The following TUBGCP6 variants were observed in gnomAD, a reference collection of about 807,000 sequenced individuals.
The protein encoded by TUBGCP6 is gamma-tubulin complex component 6.
A neutral mutation model predicts 175.8 loss-of-function variants in TUBGCP6; 161 were observed. The ratio of observed to expected loss-of-function variants is 0.92; its 90% CI spans 0.81 to 1.04. The LOEUF (loss-of-function observed/expected upper bound fraction) is 1.04. Among genes scored for constraint, TUBGCP6 ranks in the 50% least tolerant of loss-of-function variants. The probability of loss-of-function intolerance (pLI) is 0.00; values close to 1 mark genes in which losing one functional copy is unlikely to be tolerated. For synonymous variants in TUBGCP6, 1,173 were observed against 1,030.5 expected (o/e 1.14, Z -2.65); for missense variants, 2,572 against 2,433.0 (o/e 1.06, Z -1.20).
At position 50,244,469 on chromosome 22, in the gene TUBGCP6, CA is replaced by C. The variant is rs2064893053; in HGVS notation, c.-11del. 1 of 1,600,320 alleles carries C rather than the reference CA, an allele frequency of 6.2e-7. No individual in the cohort carries two copies. Among genetic ancestry groups the C allele is most frequent in the African/African-American group, 1.3e-5 (1 of 74,800 alleles). ...GCGTGATGCTGGCCATGCCCCTTCT[CA>C]GCTCCGGGCCCCCGGCGTGTGGGAA... On this transcript the variant is annotated 5_prime_UTR_variant, in exon 1 of 25. Transcript: ENST00000248846.
Position 50,226,062 on chromosome 22 carries a change from G to A in TUBGCP6, c.1821C>T (p.Leu607=), listed in dbSNP as rs754912595. The A allele has an allele frequency of 6.2e-7, 1 of 1,614,184 alleles. No individual in the cohort carries two copies. The highest frequency in any genetic ancestry group is 8.5e-7 in the Non-Finnish European group (1 of 1,180,040). The change falls in exon 9 of 25, where the codon CTC becomes CTT. Residue 607 remains leucine (L), a synonymous_variant. Coordinates refer to ENST00000248846, the MANE Select transcript of TUBGCP6 (RefSeq NM_020461.4). ...AGCCCCTCCTCACCCGGGGGCAGCA[G>A]AGCTTCAGCAGGTTAATGGTCTTTC... ...VCGKTINLLK[L]CCPRHYLCWS...
Position 50,226,362 on chromosome 22 carries a change from C to G in TUBGCP6, c.1618G>C (p.Val540Leu). The G allele has an allele frequency of 2.5e-6, 4 of 1,610,290 alleles. No individual in the cohort carries two copies. Among genetic ancestry groups the G allele is most frequent in the Non-Finnish European group, 3.4e-6 (4 of 1,178,292 alleles). ...EPYTRFIHDW[V>L]YSGVFRDAYG... ...GCGTCTCTGAACACCCCGCTGTACA[C>G]CCAGTCGTGGATGAACCTGCAGTGG... The change falls in exon 8 of 25, where the codon GTG becomes CTG. Residue 540 changes from valine (V) to leucine (L), a missense_variant. Transcript: ENST00000248846.
chr22:50,225,764 A>C (rs987862646), intron 10 of TUBGCP6, 30 bp downstream of exon 10: 3 of 1,591,244 alleles, frequency 1.9e-6, no homozygotes, highest in Non-Finnish European at 2.6e-6. Flanking sequence ...AGGGGCGAAG[A>C]AAGCCCCCGA....
rs543803097 is a variant in TUBGCP6 at position 50,242,067 on chromosome 22, C to T, written c.741+1652G>A. 6.5e-3 allele frequency among the ~76,000 whole-genome samples: 979 copies of T among 149,474 alleles called. 11 individuals are homozygous for T. Among genetic ancestry groups the T allele is most frequent in the African/African-American group, 0.024 (948 of 40,222 alleles). ...CAGCACTTTGGGAGGCCGAGGCGGG[C>T]AGATCACGAGGTGAGGAGATAGAGA... is the stretch of plus-strand genomic sequence containing the variant. On this transcript the variant is annotated intron_variant, in intron 1 of 24. Coordinates refer to ENST00000248846, the MANE Select transcript of TUBGCP6 (RefSeq NM_020461.4).
intron 2 of TUBGCP6, among the ~76,000 whole-genome samples, chr22:50,235,854 G>C (rs2064772276): frequency 6.6e-6 from 1 of 151,688 alleles, no homozygotes; most frequent in South Asian, 2.1e-4. Flanking sequence ...GCAGGAGAAT[G>C]GCTTGAACCC....
intron 5 of TUBGCP6, 87 bp downstream of exon 5, chr22:50,227,820 C>T (rs2064634876): frequency 6.6e-7 from 1 of 1,510,842 alleles, no homozygotes; most frequent in South Asian, 1.2e-5. Flanking sequence ...CCCTCCTTGC[C>T]AGGGAGCAGG....
At position 50,221,365 on chromosome 22, in the gene TUBGCP6, G is replaced by C. The variant is rs2064520277; in HGVS notation, c.2994C>G (p.Ala998=). The C allele has an allele frequency of 2.5e-6, 4 of 1,611,194 alleles. No individual in the cohort carries two copies. The East Asian group carries it at 6.7e-5, about 27-fold the overall frequency. The change falls in exon 16 of 25, where the codon GCC becomes GCG. Residue 998 remains alanine (A), a synonymous_variant. Transcript: ENST00000248846. ...SCGKMDACGS[A]SRETLLPSHP... is the part of the protein sequence containing the mutation. The stretch of plus-strand genomic sequence containing the variant: ...GTGAGGGGAGCAGAGTCTCCCGCGA[G>C]GCGGAGCCACAGGCATCCATCTTCC...
chr22:50,239,064 C>A (rs150215885), intron 2 of TUBGCP6, among the ~76,000 whole-genome samples: 171 of 152,334 alleles, frequency 1.1e-3, no homozygotes, highest in African/African-American at 3.6e-3. Flanking sequence ...TCCCAGCCAG[C>A]CCTGACCCTT....
intron 23 of TUBGCP6, 21 bp downstream of exon 23, chr22:50,218,168 C>G (rs772689222): frequency 1.2e-5 from 19 of 1,610,046 alleles, no homozygotes; most frequent in Non-Finnish European, 1.3e-5. Context: ...CACAGGGACG[C>G]AGCCGCTGCC....
chr22:50,235,336 A>ATGCCTATCCACATG (rs1241847291), intron 2 of TUBGCP6, among the ~76,000 whole-genome samples: 1 of 12,352 alleles, frequency 8.1e-5, no homozygotes, highest in African/African-American at 7.7e-4. Context: ...CAGCATCCAC[A>ATGCCTATCCACATG]CCCCCGTCCA....
chr22:50,217,881 G>A (rs1569107281), intron 24 of TUBGCP6, 37 bp downstream of exon 24: 1 of 1,605,254 alleles, frequency 6.2e-7, no homozygotes, highest in Non-Finnish European at 8.5e-7. Flanking sequence ...CCCCGCCCTG[G>A]CCCCCCCGCA....
At chr22:50,242,040 C>CCCAGCACT (rs970245284) in intron 1 of TUBGCP6, among the ~76,000 whole-genome samples, 1 of 145,430 alleles carries the variant, frequency 6.9e-6, no homozygotes, top group Non-Finnish European at 1.5e-5. Flanking sequence ...CGCCTGTAAT[C>CCCAGCACT]CCAGCACTTT....
At chr22:50,240,095 CACA>C in intron 2 of TUBGCP6, 106 bp downstream of exon 2, 1 of 1,479,890 alleles carries the variant, frequency 6.8e-7, no homozygotes. Context: ...ACTAACCCAT[CACA>C]ACTGCCTGGA....
chr22:50,218,419 G>A lies in TUBGCP6; in HGVS notation c.4955-17C>T, dbSNP rs1271960651. 3.7e-6 allele frequency: 6 copies of A among 1,612,406 alleles called. No individual in the cohort carries two copies. Among genetic ancestry groups the A allele is most frequent in the Middle Eastern group, 1.6e-4 (1 of 6,084 alleles). On this transcript the variant is annotated splice_polypyrimidine_tract_variant and intron_variant, in intron 22 of 24. Transcript: ENST00000248846. ...TCAGCAGGGCTGGCGGAGGGCAGAAGGCAGAGGGCAGAGGTGAGCGCAGCC... is the reference window on the plus strand; with the variant it reads ...TCAGCAGGGCTGGCGGAGGGCAGAAAGCAGAGGGCAGAGGTGAGCGCAGCC...
chr22:50,229,315 C>A, intron 4 of TUBGCP6, 89 bp downstream of exon 4: 1 of 1,429,352 alleles, frequency 7.0e-7, no homozygotes, highest in South Asian at 1.3e-5. Flanking sequence ...ACTCTCTGGT[C>A]CTGCAGAAGG....
intron 1 of TUBGCP6, among the ~76,000 whole-genome samples, chr22:50,241,821 C>G (rs1049518240): frequency 2.0e-5 from 3 of 152,042 alleles, no homozygotes; most frequent in Non-Finnish European, 4.4e-5. Context: ...GCATTTGGGG[C>G]CACTACTGGT....
chr22:50,224,662 T>C, intron 10 of TUBGCP6, 70 bp from the exon 11 acceptor site: 2 of 1,517,834 alleles, frequency 1.3e-6, no homozygotes, highest in South Asian at 2.3e-5. Flanking sequence ...ATCCTGGCAC[T>C]TTGGGAGGCC....
At position 50,227,916 on chromosome 22, in the gene TUBGCP6, C is replaced by A; in HGVS notation, c.1403G>T (p.Arg468Leu). 6.3e-7 allele frequency: 1 copy of A among 1,575,492 alleles called. No individual in the cohort carries two copies. The highest frequency in any genetic ancestry group is 2.3e-5 in the East Asian group (1 of 42,976). ...TIGFLFKKLG[R>L]QLRYLAELCG... ...CCATGCTGAGGCTCACCTGAGCTGC[C>A]GGCCAAGTTTCTTGAAGAGAAAACC... Residue 468 changes from arginine to leucine, a missense_variant, in exon 5 of 25, where the codon CGG (arginine) becomes CTG (leucine). Arg to Leu is a moderately radical substitution (Grantham distance 102). Coordinates refer to ENST00000248846, the MANE Select transcript of TUBGCP6 (RefSeq NM_020461.4).
rs200425811 is a variant in TUBGCP6, at chr22:50,219,824, C to T, written c.4168-33G>A. 1,925 of 1,608,456 alleles carry T rather than the reference C, an allele frequency of 1.2e-3. 6 individuals are homozygous for T. The highest frequency in any genetic ancestry group is 1.5e-3 in the Non-Finnish European group (1,786 of 1,175,742). ...AACACCAGCCTCAGAACCACCTCCCCACTGCACGCTGTCCCCACAACCAGC... is the reference window on the plus strand; with the variant it reads ...AACACCAGCCTCAGAACCACCTCCCTACTGCACGCTGTCCCCACAACCAGC... On this transcript the variant is annotated intron_variant, in intron 17 of 24. Transcript: ENST00000248846.
Sources: allele counts gnomAD v4.1 joint callset (sites outside exome capture counted in the v4.1 genomes callset), GRCh38; gene constraint gnomAD v4.1.1; transcripts MANE v1.5; gene names NCBI Gene and HGNC (gene_info 2026-07-23, HGNC 2026-07-21).